The following PCDHGA8 variants were observed in gnomAD, a reference collection of about 807,000 sequenced individuals.
The protein encoded by PCDHGA8 is protocadherin gamma subfamily A, 8.
A neutral mutation model predicts 59.2 loss-of-function variants in PCDHGA8; 45 were observed. The ratio of observed to expected loss-of-function variants is 0.76; its 90% confidence interval spans 0.60 to 0.98. The LOEUF is 0.98. Ranked by LOEUF, PCDHGA8 falls within the 50% of genes least tolerant of loss-of-function variation. The probability of loss-of-function intolerance (pLI) is 0.00; values close to 1 mark genes in which losing one functional copy is unlikely to be tolerated. For missense variants in PCDHGA8, 1,257 were observed against 1,196.2 expected (o/e 1.05, Z -0.75); for synonymous variants, 531 against 519.0 (o/e 1.02, Z -0.32).
intron 1 of PCDHGA8, among the ~76,000 whole-genome samples, chr5:141,444,862 A>G (rs781224880): frequency 1.8e-4 from 28 of 152,198 alleles, no homozygotes; most frequent in Non-Finnish European, 2.9e-4. Flanking sequence ...AAGTCTTACT[A>G]CAGGACAAAG....
In PCDHGA8 at chr5:141,476,533, A is replaced by G; in HGVS notation, c.2425-18274A>G. 6.2e-7 allele frequency: 1 copy of G among 1,614,184 alleles called. No individual in the cohort carries two copies. Among genetic ancestry groups the G allele is most frequent in the Non-Finnish European group, 8.5e-7 (1 of 1,180,022 alleles). On this transcript the variant is annotated intron_variant, in intron 1 of 3. Transcript: ENST00000398604. The surrounding 1 kb of genome is among the most constrained non-coding windows in gnomAD (Gnocchi z 7.6). ...ACAATCCTGCTTTCCCTACCCAGGA[A>G]ATGAAATTGGAGATTAGCGAGGCCG...
At chr5:141,467,596 C>G (rs2099147035) in intron 1 of PCDHGA8, among the ~76,000 whole-genome samples, 1 of 152,202 alleles carries the variant, frequency 6.6e-6, no homozygotes, top group South Asian at 2.1e-4. Context: ...ATTTATTAAG[C>G]ACTTCATCTT....
At chr5:141,460,926 G>A (rs1180507724) in intron 1 of PCDHGA8, among the ~76,000 whole-genome samples, 4 of 145,540 alleles carry the variant, frequency 2.7e-5, no homozygotes, top group African/African-American at 2.6e-5. Flanking sequence ...ATATATATAT[G>A]TGTGTGTGTA....
Position 141,511,319 on chromosome 5 carries a change from C to A in PCDHGA8, c.*146C>A. On this transcript the variant is annotated 3_prime_UTR_variant, in exon 4 of 4. Coordinates refer to ENST00000398604, the MANE Select transcript of PCDHGA8 (RefSeq NM_032088.2). ...CCATGCTCCCCTTGGGAAACAGAAA[C>A]AAGTGCCCAGTCAGCACCTACCCCT... is the stretch of plus-strand genomic sequence containing the variant. 6.8e-7 allele frequency: 1 copy of A among 1,477,420 alleles called. No homozygotes were observed. The highest frequency in any genetic ancestry group is 9.0e-7 in the Non-Finnish European group (1 of 1,108,340). 91.5% of individuals were successfully genotyped at this position (1,477,420 alleles called of 1,614,324 possible).
intron 1 of PCDHGA8, chr5:141,411,270 A>G (rs1299052773): frequency 6.6e-6 from 1 of 152,160 alleles, no homozygotes; most frequent in African/African-American, 2.4e-5. Context: ...ATATTTTTAA[A>G]GCCTAAAAAT....
chr5:141,458,823 C>T (rs1185812086), intron 1 of PCDHGA8, among the ~76,000 whole-genome samples: 1 of 152,126 alleles, frequency 6.6e-6, no homozygotes, highest in African/African-American at 2.4e-5. Flanking sequence ...ACCTCTGCCT[C>T]CCAGGCTCAA....
At chr5:141,443,792 A>G (rs540226154) in intron 1 of PCDHGA8, among the ~76,000 whole-genome samples, 67 of 152,366 alleles carry the variant, frequency 4.4e-4, no homozygotes, top group African/African-American at 1.4e-3. Flanking sequence ...AAAAAAAATG[A>G]AAAGGAAACA....
intron 1 of PCDHGA8, chr5:141,399,082 G>A: frequency 6.2e-7 from 1 of 1,613,822 alleles, no homozygotes; most frequent in East Asian, 2.2e-5. Flanking sequence ...AGAAGGGAGG[G>A]ATGGTGGTGG....
At chr5:141,447,280 C>T (rs2098533193) in intron 1 of PCDHGA8, among the ~76,000 whole-genome samples, 1 of 152,172 alleles carries the variant, frequency 6.6e-6, no homozygotes, top group Non-Finnish European at 1.5e-5. Context: ...GCTGGGACTA[C>T]AGGCACATGC....
At position 141,490,044 on chromosome 5, in the gene PCDHGA8, T is replaced by C; in HGVS notation, c.2425-4763T>C. The C allele has an allele frequency of 1.2e-6, 2 of 1,614,192 alleles. No individual in the cohort carries two copies. Among genetic ancestry groups the C allele is most frequent in the Non-Finnish European group, 1.7e-6 (2 of 1,180,024 alleles). The stretch of plus-strand genomic sequence containing the variant: ...TGCTGCTCCGCCTCAATGCCACTGA[T>C]CCAGACGAGGGCACCAACGGCCAAC... On this transcript the variant is annotated intron_variant, in intron 1 of 3. Transcript: ENST00000398604. The surrounding 1 kb of genome is among the most constrained non-coding windows in gnomAD (Gnocchi z 5.4).
Position 141,511,065 on chromosome 5 carries a change from C to T in PCDHGA8, c.2691C>T (p.Ile897=). Residue 897 remains isoleucine, a synonymous_variant, in exon 4 of 4, where the codon ATC becomes ATT. Transcript: ENST00000398604. ...HVPDYRQNVY[I]PGSNATLTNA... ...CCGACTACCGCCAGAATGTCTACATCCCAGGCAGCAATGCCACACTGACCA... is the reference window on the plus strand; with the variant it reads ...CCGACTACCGCCAGAATGTCTACATTCCAGGCAGCAATGCCACACTGACCA... The T allele has an allele frequency of 6.2e-7, 1 of 1,614,222 alleles. No individual in the cohort carries two copies. Among genetic ancestry groups the T allele is most frequent in the Middle Eastern group, 1.6e-4 (1 of 6,062 alleles).
intron 1 of PCDHGA8, chr5:141,418,804 T>C (rs368948947): frequency 3.3e-5 from 54 of 1,613,718 alleles, no homozygotes; most frequent in African/African-American, 5.3e-5. Flanking sequence ...TAGAAAGATA[T>C]ACGATAAACA....
chr5:141,480,946 G>A (rs1415705408), intron 1 of PCDHGA8, among the ~76,000 whole-genome samples: 1 of 152,172 alleles, frequency 6.6e-6, no homozygotes, highest in Non-Finnish European at 1.5e-5. Context: ...TCTAGAGGCT[G>A]AGGCGGAAGC....
chr5:141,477,845 G>A lies in PCDHGA8; in HGVS notation c.2425-16962G>A, dbSNP rs1164464559. On this transcript the variant is annotated intron_variant, in intron 1 of 3. Transcript: ENST00000398604. This position sits in a 1 kb window ranked among gnomAD's most constrained non-coding sequence, Gnocchi z 4.9. ...ATATCCTCGGCCAGGTGGGAGCTCGGTGGAGATGCTGCCTCGAGGTACCTC... is the reference window on the plus strand; with the variant it reads ...ATATCCTCGGCCAGGTGGGAGCTCGATGGAGATGCTGCCTCGAGGTACCTC... 11 of 1,614,040 alleles carry A rather than the reference G, an allele frequency of 6.8e-6. No individual in the cohort carries two copies. The highest frequency in any genetic ancestry group is 9.3e-6 in the Non-Finnish European group (11 of 1,180,036).
intron 1 of PCDHGA8, chr5:141,475,814 TC>T: frequency 3.0e-6 from 1 of 338,520 alleles, no homozygotes; most frequent in Non-Finnish European, 5.4e-6. Flanking sequence ...AAAGTGAAGT[TC>T]CTGGCGCTAG....
Position 141,489,752 on chromosome 5 carries a change from C to G in PCDHGA8, c.2425-5055C>G. ...GGCACCAATACTGTGAGCTTTTACA[C>G]TCTAAGCCCCAACAGCCACTTCTCT... On this transcript the variant is annotated intron_variant, in intron 1 of 3. Coordinates refer to ENST00000398604, the MANE Select transcript of PCDHGA8 (RefSeq NM_032088.2). This position sits in a 1 kb window ranked among gnomAD's most constrained non-coding sequence, Gnocchi z 4.5. The G allele has an allele frequency of 6.2e-7, 1 of 1,614,136 alleles. No individual in the cohort carries two copies. The highest frequency in any genetic ancestry group is 8.5e-7 in the Non-Finnish European group (1 of 1,179,972).
At chr5:141,480,649 C>A (rs2099522804) in intron 1 of PCDHGA8, among the ~76,000 whole-genome samples, 1 of 152,184 alleles carries the variant, frequency 6.6e-6, no homozygotes, top group Non-Finnish European at 1.5e-5. Flanking sequence ...AACTTGGTTG[C>A]ACATTAAAAT....
intron 1 of PCDHGA8, among the ~76,000 whole-genome samples, chr5:141,472,071 A>G (rs1243864250): frequency 6.6e-6 from 1 of 152,200 alleles, no homozygotes. Context: ...GTCTGTGGTT[A>G]TATCAATGAG....
chr5:141,511,267 C>A lies in PCDHGA8; in HGVS notation c.*94C>A, dbSNP rs1223074819. The A allele has an allele frequency of 6.5e-7, 1 of 1,549,404 alleles. No individual in the cohort carries two copies. Among genetic ancestry groups the A allele is most frequent in the Non-Finnish European group, 8.7e-7 (1 of 1,146,836 alleles). Reference sequence around the variant, plus strand: ...CCAGGCCTCAGAGTTTCAGGGCTAACCCCCAGAATACTGGTAGGGGCCAAG... The same window carrying A: ...CCAGGCCTCAGAGTTTCAGGGCTAAACCCCAGAATACTGGTAGGGGCCAAG... On this transcript the variant is annotated 3_prime_UTR_variant, in exon 4 of 4. Coordinates refer to ENST00000398604, the MANE Select transcript of PCDHGA8 (RefSeq NM_032088.2).
Sources: gnomAD v4.1 joint callset for allele counts (sites outside exome capture counted in the v4.1 genomes callset) on GRCh38, gnomAD v4.1.1 for gene constraint, Gnocchi (gnomAD v3.1) non-coding constraint, MANE v1.5 for transcripts, NCBI Gene and HGNC (gene_info 2026-07-23, HGNC 2026-07-21) for gene names.